Variants in PARG observed in about 807,000 individuals in gnomAD.
PARG encodes the protein mitochondrial poly(ADP-ribose) glycohydrolase.
Under a neutral mutation model 113.0 loss-of-function variants are expected in PARG, and 35 were observed. The ratio of observed to expected loss-of-function variants is 0.31; its 90% CI spans 0.24 to 0.41. PARG has a LOEUF of 0.41. PARG is among the 10% of genes least tolerant of loss of function. The pLI is 1.00. For missense variants in PARG, 797 were observed against 1,169.4 expected (o/e 0.68, Z 4.64); for synonymous variants, 330 against 409.9 (o/e 0.81, Z 2.36).
At chr10:49,838,300 G>A (rs1554831529) in intron 15 of PARG, among the ~76,000 whole-genome samples, 1 of 151,836 alleles carries the variant, frequency 6.6e-6, no homozygotes, top group Non-Finnish European at 1.5e-5. Context: ...GAGTAGTGGT[G>A]CATGCCTGTA....
chr10:49,937,708 A>C (rs1187326104), intron 1 of PARG, among the ~76,000 whole-genome samples: 3 of 152,178 alleles, frequency 2.0e-5, no homozygotes, highest in Non-Finnish European at 4.4e-5. Context: ...CAGTGATGGC[A>C]AAGAAGAAGA....
chr10:49,933,668 C>T lies in PARG; in HGVS notation c.780G>A (p.Glu260=), dbSNP rs1461160120. 12 of 1,610,566 alleles carry T rather than the reference C, an allele frequency of 7.5e-6. No individual in the cohort carries two copies. In the African/African-American group the frequency reaches 1.5e-4, roughly 20 times the overall value. ...CQQDEIDVVP[E]SPLSDVGSED... Reference sequence around the variant, plus strand: ...CAGAGCCAACATCTGACAATGGACTCTCTGGCACCACATCTATCTCATCTT... The same window carrying T: ...CAGAGCCAACATCTGACAATGGACTTTCTGGCACCACATCTATCTCATCTT... Residue 260 remains glutamate, a synonymous_variant, in exon 3 of 18, where the codon GAG becomes GAA. Coordinates refer to ENST00000616448, the MANE Select transcript of PARG (RefSeq NM_003631.5).
Position 49,907,294 on chromosome 10 carries a change from CAG to C in PARG, c.1737+8621_1737+8622del, listed in dbSNP as rs144726712. Among the ~76,000 whole-genome samples the C allele has an allele frequency of 0.012, 1,887 of 152,256 alleles. 122 individuals carry two copies. In the East Asian group the frequency reaches 0.22, roughly 18 times the overall value. On this transcript the variant is annotated intron_variant, in intron 7 of 17. Coordinates refer to ENST00000616448, the MANE Select transcript of PARG (RefSeq NM_003631.5). ...ATTATTTAGCCAGCTTAGAATCTGA[CAG>C]ACTCTTGTAGTAAATCATTACCTGT...
intron 10 of PARG, among the ~76,000 whole-genome samples, chr10:49,866,191 T>C (rs1211931251): frequency 1.3e-5 from 2 of 152,156 alleles, no homozygotes; most frequent in Admixed American, 1.3e-4. Flanking sequence ...CCAGAAGTAA[T>C]TTGTCTGATT....
In PARG at chr10:49,848,126, G is replaced by A. The variant is rs1471556050; in HGVS notation, c.2354-4494C>T. Among the ~76,000 whole-genome samples the A allele has an allele frequency of 1.0e-4, 15 of 150,668 alleles. No individual in the cohort carries two copies. The East Asian group carries it at 1.2e-3, about 12-fold the overall frequency. On this transcript the variant is annotated intron_variant, in intron 13 of 17. Transcript: ENST00000616448. ...AGCGCTTTGGGAGGTCGAGGCGGGC[G>A]GATCACAAGGTCAAGAGATCGAGAC...
In PARG at chr10:49,818,305, T is replaced by C. The variant is rs1843895110; in HGVS notation, c.*1035A>G. ...TGTTTCCCACCAGTCCAATTTTATTTAGATTTTATGTGCTCACATATAGAC... is the reference window on the plus strand; with the variant it reads ...TGTTTCCCACCAGTCCAATTTTATTCAGATTTTATGTGCTCACATATAGAC... On this transcript the variant is annotated 3_prime_UTR_variant, in exon 18 of 18. Coordinates refer to ENST00000616448, the MANE Select transcript of PARG (RefSeq NM_003631.5). 6.6e-6 allele frequency: 1 copy of C among 152,460 alleles called. No individual in the cohort carries two copies. Among genetic ancestry groups the C allele is most frequent in the African/African-American group, 2.4e-5 (1 of 41,470 alleles). The allele number at this position is 152,460 out of a possible 1,614,324, so 9.4% of individuals were successfully genotyped here. A position where few individuals can be genotyped will look rare whatever the true frequency, so the allele number is the denominator to read the frequency against.
intron 15 of PARG, among the ~76,000 whole-genome samples, chr10:49,836,956 G>T (rs575671041): frequency 1.3e-5 from 2 of 152,282 alleles, no homozygotes; most frequent in Non-Finnish European, 2.9e-5. Context: ...TTTCACAAGT[G>T]ATTTGTTTCT....
intron 10 of PARG, among the ~76,000 whole-genome samples, chr10:49,868,922 T>C (rs1216595378): frequency 2.6e-5 from 4 of 152,092 alleles, no homozygotes; most frequent in Admixed American, 2.6e-4. Flanking sequence ...TATCAGCTGG[T>C]CATTACCAGT....
intron 8 of PARG, among the ~76,000 whole-genome samples, chr10:49,883,268 G>A (rs1350190947): frequency 6.6e-6 from 1 of 152,056 alleles, no homozygotes; most frequent in Non-Finnish European, 1.5e-5. Flanking sequence ...TGCAATGCAT[G>A]GGACCATTAT....
intron 16 of PARG, among the ~76,000 whole-genome samples, chr10:49,823,644 GGAAC>G (rs1348911361): frequency 6.6e-5 from 10 of 151,406 alleles, no homozygotes; most frequent in Admixed American, 5.3e-4. Flanking sequence ...CATAAAAATG[GGAAC>G]GAATGAATCA....
chr10:49,920,594 A>G (rs1279036705), intron 6 of PARG, among the ~76,000 whole-genome samples: 2 of 144,752 alleles, frequency 1.4e-5, no homozygotes, highest in African/African-American at 2.6e-5. Context: ...ACACATATAT[A>G]CATATATACG....
At chr10:49,846,556 G>C (rs1294256430) in intron 13 of PARG, among the ~76,000 whole-genome samples, 7 of 152,022 alleles carry the variant, frequency 4.6e-5, no homozygotes, top group African/African-American at 1.7e-4. Flanking sequence ...GCAGTGGCAT[G>C]GTTTAGAAGT....
chr10:49,863,032 T>A (rs1186818326), intron 11 of PARG, among the ~76,000 whole-genome samples: 1 of 151,628 alleles, frequency 6.6e-6, no homozygotes, highest in African/African-American at 2.4e-5. Context: ...TAGCTCTTAA[T>A]AAAATCACGA....
intron 7 of PARG, among the ~76,000 whole-genome samples, chr10:49,913,879 G>A (rs1341220656): frequency 1.2e-4 from 18 of 151,938 alleles, no homozygotes; most frequent in African/African-American, 4.4e-4. Flanking sequence ...CTCCAGCCTG[G>A]GTGACAGAGT....
At chr10:49,911,723 T>C (rs1474345309) in intron 7 of PARG, among the ~76,000 whole-genome samples, 1 of 152,216 alleles carries the variant, frequency 6.6e-6, no homozygotes, top group African/African-American at 2.4e-5. Flanking sequence ...CAGGGTGGGC[T>C]TCTGGGCACC....
chr10:49,930,164 T>C (rs1838415488), intron 4 of PARG, among the ~76,000 whole-genome samples: 1 of 152,106 alleles, frequency 6.6e-6, no homozygotes, highest in Non-Finnish European at 1.5e-5. Flanking sequence ...CTGGTTCAAA[T>C]GTGGAATTAA....
At chr10:49,880,601 A>T (rs1416096541) in intron 8 of PARG, among the ~76,000 whole-genome samples, 1 of 152,250 alleles carries the variant, frequency 6.6e-6, no homozygotes, top group Admixed American at 6.5e-5. Flanking sequence ...ACCAAAAATA[A>T]AGTTCCAAGA....
intron 6 of PARG, among the ~76,000 whole-genome samples, 188 bp from the exon 7 acceptor site, chr10:49,916,179 CACTT>C (rs2132848519): frequency 6.6e-6 from 1 of 152,158 alleles, no homozygotes; most frequent in East Asian, 1.9e-4. Context: ...ATTTATTACT[CACTT>C]AAAAAAATGA....
intron 10 of PARG, chr10:49,867,134 T>G (rs1846554438): frequency 6.6e-6 from 1 of 151,792 alleles, no homozygotes; most frequent in Non-Finnish European, 1.5e-5. Flanking sequence ...TGCTGTCGTC[T>G]GGGAACACTA....
Sources: gnomAD v4.1 joint callset for allele counts (sites outside exome capture counted in the v4.1 genomes callset) on GRCh38, gnomAD v4.1.1 for gene constraint, MANE v1.5 for transcripts, NCBI Gene and HGNC (gene_info 2026-07-23, HGNC 2026-07-21) for gene names.